RECQL: variants seen among roughly 807,000 people sequenced by gnomAD.
RECQL encodes ATP-dependent DNA helicase Q1.
A neutral mutation model predicts 75.8 loss-of-function variants in RECQL; 73 were observed. The observed-to-expected ratio is 0.96, with a 90% CI of 0.80 to 1.17. RECQL has a LOEUF of 1.17. Ranked by LOEUF, RECQL falls within the 50% of genes most tolerant of loss-of-function variation. RECQL has a pLI of 0.00. For missense variants in RECQL, 699 were observed against 772.1 expected, an observed-to-expected ratio of 0.91 and a Z score of 1.12; for synonymous variants, 248 against 254.4, an observed-to-expected ratio of 0.97 and a Z score of 0.24.
chr12:21,490,685 A>C (rs531602055), intron 3 of RECQL, among the ~76,000 whole-genome samples: 5 of 152,000 alleles, frequency 3.3e-5, no homozygotes, highest in Non-Finnish European at 5.9e-5. Flanking sequence ...CTCTATCCCT[A>C]TAAAAAAATT....
chr12:21,500,841 T>C (rs1317242918), intron 1 of RECQL, among the ~76,000 whole-genome samples: 1 of 152,204 alleles, frequency 6.6e-6, no homozygotes, highest in Non-Finnish European at 1.5e-5. Context: ...CGATTTTAAA[T>C]GACTCCTTTG....
rs543163462 is a variant in RECQL, at chr12:21,478,054, T to G, written c.701-85A>C. 2.2e-6 allele frequency: 3 copies of G among 1,336,762 alleles called. No individual in the cohort carries two copies. The African/African-American group carries it at 4.4e-5, about 20-fold the overall frequency. 82.8% of individuals were successfully genotyped at this position (1,336,762 alleles called of 1,614,324 possible). ...CTTTTAACATTATGCAGATAATCGATGACTACTATGATTTTGTTTCCACAG... is the reference window on the plus strand; with the variant it reads ...CTTTTAACATTATGCAGATAATCGAGGACTACTATGATTTTGTTTCCACAG... On this transcript the variant is annotated intron_variant, in intron 6 of 14. Transcript: ENST00000444129.
In RECQL at chr12:21,482,267, GA is replaced by G. The variant is rs11451473; in HGVS notation, c.700+1108del. Among the ~76,000 whole-genome samples the G allele has an allele frequency of 5.6e-4, 82 of 146,524 alleles. 1 individual carries two copies. The highest frequency in any genetic ancestry group is 1.9e-3 in the African/African-American group (73 of 39,360). ...AGTGGTCTTTTCTGCCTTAACAAAA[GA>G]AAAAAAAAAAAGATTACTAATGTTT... On this transcript the variant is annotated intron_variant, in intron 6 of 14. Transcript: ENST00000444129.
chr12:21,482,773 G>T (rs1420417042), intron 6 of RECQL, among the ~76,000 whole-genome samples: 4 of 152,212 alleles, frequency 2.6e-5, no homozygotes, highest in Admixed American at 2.6e-4. Flanking sequence ...AAAACAGGTT[G>T]AAGCCAGGGA....
At chr12:21,487,037 T>C (rs1368663409) in intron 4 of RECQL, among the ~76,000 whole-genome samples, 3 of 152,178 alleles carry the variant, frequency 2.0e-5, no homozygotes, top group African/African-American at 7.2e-5. Flanking sequence ...GCAGCTTTAG[T>C]AAAGCTTACT....
chr12:21,497,330 A>T (rs1943526331), intron 2 of RECQL, among the ~76,000 whole-genome samples: 2 of 152,220 alleles, frequency 1.3e-5, no homozygotes, highest in Admixed American at 6.5e-5. Flanking sequence ...GGAAAAAAAA[A>T]TGCAGACCTA....
intron 5 of RECQL, among the ~76,000 whole-genome samples, chr12:21,486,026 A>T (rs1417058016): frequency 6.6e-6 from 1 of 152,200 alleles, no homozygotes; most frequent in Non-Finnish European, 1.5e-5. Context: ...TTACTATTTT[A>T]GAATGGATAA....
intron 5 of RECQL, among the ~76,000 whole-genome samples, chr12:21,485,577 T>A (rs956854723): frequency 1.3e-5 from 2 of 152,024 alleles, no homozygotes; most frequent in Non-Finnish European, 2.9e-5. Flanking sequence ...GAGATAGAAA[T>A]CTGAATTTTT....
In RECQL at chr12:21,469,544, C is replaced by T. The variant is rs1220219263; in HGVS notation, c.*650G>A. 2.0e-5 allele frequency: 3 copies of T among 150,654 alleles called. No individual in the cohort carries two copies. Among genetic ancestry groups the T allele is most frequent in the African/African-American group, 4.9e-5 (2 of 40,932 alleles). 9.3% of individuals were successfully genotyped at this position (150,654 alleles called of 1,614,324 possible). ...GTGAACCTCTGTCAGTATAATATTGCTTTCAAAAAGATGGTTATGTCAAAA... is the reference window on the plus strand; with the variant it reads ...GTGAACCTCTGTCAGTATAATATTGTTTTCAAAAAGATGGTTATGTCAAAA... On this transcript the variant is annotated 3_prime_UTR_variant, in exon 15 of 15. Coordinates refer to ENST00000444129, the MANE Select transcript of RECQL (RefSeq NM_002907.4).
rs1252730738 is a variant in RECQL, at chr12:21,471,023, A to G, written c.1743T>C (p.Asn581=). 1.3e-6 allele frequency: 2 copies of G among 1,598,914 alleles called. No homozygotes were observed. The highest frequency in any genetic ancestry group is 1.8e-5 in the Admixed American group (1 of 57,094). Residue 581 remains asparagine (N), a synonymous_variant, in exon 14 of 15, where the codon AAT becomes AAC. Transcript: ENST00000444129. ...CTTGCATAGTAATAGCATGTGCCTC[A>G]TTGTTCAGAAGATTAGCTTTAGGTC... The part of the protein sequence containing the change: ...KIGPKANLLN[N]EAHAITMQVT...
At chr12:21,477,747 G>A in intron 7 of RECQL, 56 bp downstream of exon 7, 1 of 1,404,782 alleles carries the variant, frequency 7.1e-7, no homozygotes. Context: ...TAAAAAGGCA[G>A]ATCCCCTCTG....
chr12:21,501,040 A>G (rs940819842), intron 1 of RECQL, 130 bp downstream of exon 1: 7 of 152,204 alleles, frequency 4.6e-5, no homozygotes, highest in Admixed American at 6.5e-5. Context: ...CGCCACTGAG[A>G]TACCATAGGC....
intron 4 of RECQL, among the ~76,000 whole-genome samples, chr12:21,487,253 C>T (rs898147054): frequency 2.0e-5 from 3 of 152,120 alleles, no homozygotes; most frequent in Non-Finnish European, 2.9e-5. Context: ...TAAACAGTTT[C>T]ATCAGGGAAA....
At chr12:21,475,613 A>G in intron 9 of RECQL, 28 bp from the exon 10 acceptor site, 1 of 1,607,438 alleles carries the variant, frequency 6.2e-7, no homozygotes, top group Non-Finnish European at 8.5e-7. Flanking sequence ...TTTATCAGTT[A>G]ATTAAATCAA....
Position 21,471,628 on chromosome 12 carries a change from T to TA in RECQL, c.1466dup (p.Thr490AsnfsTer19), listed in dbSNP as rs1485924612. On this transcript the variant is annotated frameshift_variant, in exon 13 of 15. Coordinates refer to ENST00000444129, the MANE Select transcript of RECQL (RefSeq NM_002907.4). LOFTEE classifies it high-confidence loss of function. ...TGATTAGATCTCTGCAGTACTCTGT[T>TA]ATGTTCTTTCTTTCAAATGCTGTAA... 6.2e-7 allele frequency: 1 copy of TA among 1,612,602 alleles called. No individual in the cohort carries two copies. Among genetic ancestry groups the TA allele is most frequent in the East Asian group, 2.2e-5 (1 of 44,858 alleles).
intron 2 of RECQL, among the ~76,000 whole-genome samples, chr12:21,492,752 C>T (rs546805970): frequency 6.6e-6 from 1 of 152,206 alleles, no homozygotes; most frequent in Non-Finnish European, 1.5e-5. Flanking sequence ...GAAGCCAGTT[C>T]CCCCAGCTCC....
chr12:21,487,890 G>C (rs553751991), intron 4 of RECQL, among the ~76,000 whole-genome samples: 1 of 152,292 alleles, frequency 6.6e-6, no homozygotes, highest in East Asian at 1.9e-4. Context: ...TTAGCATCTT[G>C]ATCTTGGACT....
At chr12:21,473,940 CT>C (rs1164459532) in intron 11 of RECQL, among the ~76,000 whole-genome samples, 3 of 152,072 alleles carry the variant, frequency 2.0e-5, no homozygotes, top group Non-Finnish European at 2.9e-5. Flanking sequence ...ATGTGCAATG[CT>C]ACTTTCCTTT....
intron 2 of RECQL, among the ~76,000 whole-genome samples, chr12:21,492,043 C>A (rs892674559): frequency 1.3e-5 from 2 of 152,150 alleles, no homozygotes; most frequent in African/African-American, 4.8e-5. Flanking sequence ...GTACCTGGTA[C>A]ACAAATATTT....
Sources: gnomAD v4.1 joint callset for allele counts (sites outside exome capture counted in the v4.1 genomes callset) on GRCh38, gnomAD v4.1.1 for gene constraint, MANE v1.5 for transcripts, NCBI Gene and HGNC (gene_info 2026-07-23, HGNC 2026-07-21) for gene names.